KIFAP3: variants seen among roughly 807,000 people sequenced by gnomAD.
KIFAP3 encodes the protein kinesin-associated protein 3.
In KIFAP3, 68 loss-of-function variants were observed where a neutral mutation model predicts 106.5. The observed-to-expected ratio is 0.64, with a 90% CI of 0.53 to 0.78. KIFAP3 has a LOEUF of 0.78. Ranked by LOEUF, KIFAP3 falls within the 30% of genes least tolerant of loss-of-function variation. The pLI, the probability that KIFAP3 is intolerant of heterozygous loss-of-function variation, is 0.00. For synonymous variants in KIFAP3, 320 were observed against 311.5 expected (o/e 1.03, Z -0.29); for missense variants, 780 against 941.8 (o/e 0.83, Z 2.25).
chr1:170,077,885 G>GT (rs80179703), upstream of KIFAP3, among the ~76,000 whole-genome samples: 176 of 144,438 alleles, frequency 1.2e-3, no homozygotes, highest in Admixed American at 2.4e-3. Flanking sequence ...TTTCGGTCCT[G>GT]TTTTTTTTTT....
In KIFAP3 at chr1:169,982,675, T is replaced by C. The variant is rs200055833; in HGVS notation, c.1672+27A>G. 196 of 1,465,276 alleles carry C rather than the reference T, an allele frequency of 1.3e-4. No homozygotes were observed. In the African/African-American group the frequency reaches 2.5e-3, roughly 18 times the overall value. The allele number at this position is 1,465,276 out of a possible 1,614,324, so 90.8% of individuals were successfully genotyped here. ...ACAGAAAGAAATAACTTAGTGATTATACAAAAGTGAAATACTTAGCACAAA... is the reference window on the plus strand; with the variant it reads ...ACAGAAAGAAATAACTTAGTGATTACACAAAAGTGAAATACTTAGCACAAA... On this transcript the variant is annotated intron_variant, in intron 14 of 19. Coordinates refer to ENST00000361580, the MANE Select transcript of KIFAP3 (RefSeq NM_014970.4).
chr1:170,083,270 A>C (rs1362221352), intron 1 of KIFAP3, among the ~76,000 whole-genome samples: 1 of 152,210 alleles, frequency 6.6e-6, no homozygotes, highest in East Asian at 1.9e-4. Flanking sequence ...AAAGATAGAG[A>C]TCTCAGAAGC....
In KIFAP3 at chr1:169,921,528, G is replaced by A; in HGVS notation, c.*148C>T. The A allele has an allele frequency of 3.3e-6, 2 of 600,422 alleles. No individual in the cohort carries two copies. The highest frequency in any genetic ancestry group is 5.9e-6 in the Non-Finnish European group (2 of 337,272). 37.2% of individuals were successfully genotyped at this position (600,422 alleles called of 1,614,324 possible). ...CTTAACAGAAGACAGAGGGGCTGGG[G>A]TTAATCTGCAGCTAACAACATATAA... On this transcript the variant is annotated 3_prime_UTR_variant, in exon 20 of 20. Transcript: ENST00000361580.
At chr1:170,032,817 T>C (rs1444882146) in intron 7 of KIFAP3, among the ~76,000 whole-genome samples, 1 of 151,768 alleles carries the variant, frequency 6.6e-6, no homozygotes, top group Non-Finnish European at 1.5e-5. Context: ...CAAAACTGGA[T>C]GTGTCTTATA....
chr1:170,005,472 G>T (rs1420460182), intron 10 of KIFAP3, among the ~76,000 whole-genome samples: 1 of 151,916 alleles, frequency 6.6e-6, no homozygotes, highest in Middle Eastern at 3.2e-3. Context: ...GTCCAACAAT[G>T]ATAGACTGGA....
chr1:169,946,830 T>C (rs1409633268), intron 19 of KIFAP3, among the ~76,000 whole-genome samples: 1 of 151,964 alleles, frequency 6.6e-6, no homozygotes, highest in African/African-American at 2.4e-5. Context: ...ACTAAAAAAG[T>C]AATTGGGACA....
At chr1:170,029,054 T>C (rs1411124649) in intron 8 of KIFAP3, among the ~76,000 whole-genome samples, 1 of 151,954 alleles carries the variant, frequency 6.6e-6, no homozygotes, top group Non-Finnish European at 1.5e-5. Context: ...TAGACAAATA[T>C]ATCCCATACT....
chr1:170,076,573 G>A (rs1271289867), upstream of KIFAP3, among the ~76,000 whole-genome samples: 1 of 152,148 alleles, frequency 6.6e-6, no homozygotes, highest in African/African-American at 2.4e-5. Flanking sequence ...ACTTCCACTG[G>A]AGGCAACTAC....
At chr1:169,961,756 G>A (rs1463401054) in intron 17 of KIFAP3, among the ~76,000 whole-genome samples, 4 of 152,090 alleles carry the variant, frequency 2.6e-5, no homozygotes, top group Non-Finnish European at 5.9e-5. Flanking sequence ...TTGGTGAATA[G>A]TAAATATATT....
intron 10 of KIFAP3, among the ~76,000 whole-genome samples, chr1:170,006,126 A>G (rs1321133181): frequency 6.6e-6 from 1 of 152,202 alleles, no homozygotes; most frequent in East Asian, 1.9e-4. Flanking sequence ...AACTTTCTAA[A>G]TAAGACGAAA....
chr1:169,982,575 G>A, intron 14 of KIFAP3, 127 bp downstream of exon 14: 1 of 541,228 alleles, frequency 1.8e-6, no homozygotes, highest in South Asian at 4.8e-5. Context: ...TCTGGGAGAA[G>A]AGAGCTGTGA....
chr1:170,027,014 C>CTTTTTTTT (rs71125222), intron 8 of KIFAP3, among the ~76,000 whole-genome samples: 1 of 64,388 alleles, frequency 1.6e-5, no homozygotes. Context: ...TGTCTTGCTT[C>CTTTTTTTT]TTTTTTTTTT....
intron 1 of KIFAP3, among the ~76,000 whole-genome samples, chr1:170,070,445 G>A (rs1671647491): frequency 6.6e-6 from 1 of 152,068 alleles, no homozygotes; most frequent in Non-Finnish European, 1.5e-5. Context: ...CTAGCACACG[G>A]ACAGATAGAT....
At chr1:170,068,455 G>A (rs1002548826) in intron 1 of KIFAP3, 1 of 151,974 alleles carries the variant, frequency 6.6e-6, no homozygotes, top group African/African-American at 2.4e-5. Flanking sequence ...GTTTTTAACA[G>A]CAGATCTGAG....
chr1:169,942,730 A>G (rs1664198603), intron 19 of KIFAP3, among the ~76,000 whole-genome samples: 1 of 152,018 alleles, frequency 6.6e-6, no homozygotes, highest in African/African-American at 2.4e-5. Context: ...AACTAAATAA[A>G]CCCTCTGGCT....
intron 9 of KIFAP3, among the ~76,000 whole-genome samples, chr1:170,022,593 G>A (rs1668902438): frequency 6.6e-6 from 1 of 151,998 alleles, no homozygotes; most frequent in Admixed American, 6.6e-5. Context: ...CACTAAGTCT[G>A]GCCTTGGATT....
chr1:170,080,110 A>C (rs978282476), intron 1 of KIFAP3, among the ~76,000 whole-genome samples: 1 of 152,102 alleles, frequency 6.6e-6, no homozygotes, highest in African/African-American at 2.4e-5. Flanking sequence ...AATCAATTGC[A>C]TTGACTTATA....
chr1:169,955,580 T>G (rs1359929605), intron 18 of KIFAP3, among the ~76,000 whole-genome samples: 1 of 152,078 alleles, frequency 6.6e-6, no homozygotes, highest in African/African-American at 2.4e-5. Context: ...ATGGTAAAAC[T>G]AAGTAATAGA....
chr1:170,036,598 T>G (rs1669704253), intron 5 of KIFAP3, among the ~76,000 whole-genome samples: 1 of 152,162 alleles, frequency 6.6e-6, no homozygotes, highest in African/African-American at 2.4e-5. Context: ...CTCCAAAAAG[T>G]CCTATTTAAT....
Sources: gnomAD v4.1 joint callset for allele counts (sites outside exome capture counted in the v4.1 genomes callset) on GRCh38, gnomAD v4.1.1 for gene constraint, MANE v1.5 for transcripts, NCBI Gene and HGNC (gene_info 2026-07-23, HGNC 2026-07-21) for gene names.